RAD23B: variants seen among roughly 807,000 people sequenced by gnomAD.
RAD23B encodes RAD23 nucleotide excision repair protein B.
Under a neutral mutation model 49.1 loss-of-function variants are expected in RAD23B, and 5 were observed. The observed-to-expected ratio is 0.10, with a 90% CI of 0.05 to 0.21. The LOEUF is 0.21. Ranked by LOEUF, RAD23B falls within the 10% of genes least tolerant of loss-of-function variation. The pLI, the probability that RAD23B is intolerant of heterozygous loss-of-function variation, is 1.00. For missense variants in RAD23B, 356 were observed against 486.7 expected (o/e 0.73, Z 2.53); for synonymous variants, 184 against 165.4 (o/e 1.11, Z -0.86).
At chr9:107,322,155 C>G (rs1433545661) in intron 7 of RAD23B, 37 bp downstream of exon 7, 1 of 1,539,728 alleles carries the variant, frequency 6.5e-7, no homozygotes, top group Non-Finnish European at 8.8e-7. Flanking sequence ...GGGAATGGCC[C>G]TGAATTTTTA....
At chr9:107,327,693 C>G (rs1827237420) in intron 9 of RAD23B, among the ~76,000 whole-genome samples, 1 of 152,004 alleles carries the variant, frequency 6.6e-6, no homozygotes. Context: ...GAAGAATGTT[C>G]TATGTATACT....
chr9:107,283,793 C>A, intron 1 of RAD23B, 98 bp downstream of exon 1: 1 of 1,154,030 alleles, frequency 8.7e-7, no homozygotes, highest in Non-Finnish European at 1.1e-6. Context: ...GGGGGAAGCC[C>A]CGGAGGGCGC....
intron 4 of RAD23B, among the ~76,000 whole-genome samples, chr9:107,310,239 C>T (rs1035210732): frequency 3.3e-5 from 5 of 151,602 alleles, no homozygotes; most frequent in East Asian, 1.9e-4. Context: ...TAGATGGATA[C>T]GGATTTAATG....
chr9:107,297,629 T>C (rs1464872289), intron 1 of RAD23B, among the ~76,000 whole-genome samples: 1 of 152,146 alleles, frequency 6.6e-6, no homozygotes, highest in African/African-American at 2.4e-5. Flanking sequence ...TGAACCACTG[T>C]GCCCAGCCTT....
rs754129417 is a variant in RAD23B, at chr9:107,324,900, CAAG to C, written c.1013_1015del (p.Gln338_Gly339delinsArg). 5 of 1,613,270 alleles carry C rather than the reference CAAG, an allele frequency of 3.1e-6. No homozygotes were observed. In the South Asian group the frequency reaches 3.3e-5, roughly 11 times the overall value. ...TGAACCAGTTCAAGAAGCTGGTGGT[CAAG>C]GAGGAGGAGGTGGAGGTGGCAGTGG... On this transcript the variant is annotated inframe_deletion, in exon 9 of 10. Coordinates refer to ENST00000358015, the MANE Select transcript of RAD23B (RefSeq NM_002874.5).
At chr9:107,287,463 T>G (rs906869022) in intron 1 of RAD23B, among the ~76,000 whole-genome samples, 2 of 152,232 alleles carry the variant, frequency 1.3e-5, no homozygotes, top group African/African-American at 4.8e-5. Context: ...ATGTTTTTGC[T>G]AAGAGAATTG....
chr9:107,287,815 CAA>C (rs767824248), intron 1 of RAD23B, among the ~76,000 whole-genome samples: 4 of 107,158 alleles, frequency 3.7e-5, no homozygotes, highest in African/African-American at 1.1e-4. Flanking sequence ...GCCTGGGTAA[CAA>C]GAGCGAAACT....
At chr9:107,328,018 T>A (rs1481339413) in intron 9 of RAD23B, among the ~76,000 whole-genome samples, 1 of 152,216 alleles carries the variant, frequency 6.6e-6, no homozygotes, top group East Asian at 1.9e-4. Flanking sequence ...TTGGTTACCA[T>A]TTGCATAGTA....
At chr9:107,286,150 C>T (rs1355810934) in intron 1 of RAD23B, among the ~76,000 whole-genome samples, 1 of 152,144 alleles carries the variant, frequency 6.6e-6, no homozygotes. Flanking sequence ...AATTAAGTAA[C>T]TTACGTAGCC....
rs138057780 is a variant in RAD23B at position 107,329,584 on chromosome 9, G to A, written c.1158G>A (p.Ala386=). The A allele has an allele frequency of 2.9e-5, 47 of 1,612,858 alleles. 1 individual carries two copies. Among genetic ancestry groups the A allele is most frequent in the Admixed American group, 3.3e-5 (2 of 59,984 alleles). The change falls in exon 10 of 10, where the codon GCG becomes GCA. Residue 386 remains alanine, a synonymous_variant. Coordinates refer to ENST00000358015, the MANE Select transcript of RAD23B (RefSeq NM_002874.5). ...TTCCTGAAGGACTTGTGATACAAGC[G>A]TATTTTGCTTGTGAGAAGAATGAGA... ...LGFPEGLVIQ[A]YFACEKNENL... is the part of the protein sequence containing the mutation.
chr9:107,295,133 T>C (rs964387601), intron 1 of RAD23B, among the ~76,000 whole-genome samples: 12 of 152,062 alleles, frequency 7.9e-5, no homozygotes, highest in African/African-American at 2.9e-4. Flanking sequence ...AGAATAAATT[T>C]CATGTTTTTG....
chr9:107,319,133 T>TTTTTTC (rs999364054), intron 6 of RAD23B, among the ~76,000 whole-genome samples: 1 of 116,826 alleles, frequency 8.6e-6, no homozygotes, highest in Non-Finnish European at 1.9e-5. Flanking sequence ...TTTTTCTTTT[T>TTTTTTC]TTTTTTTTTT....
chr9:107,294,451 T>C (rs1456741777), intron 1 of RAD23B, among the ~76,000 whole-genome samples: 1 of 152,160 alleles, frequency 6.6e-6, no homozygotes, highest in Non-Finnish European at 1.5e-5. Flanking sequence ...CTTACTGGAA[T>C]GGGAGCATTG....
chr9:107,315,299 A>G (rs1826968725), intron 5 of RAD23B, among the ~76,000 whole-genome samples: 1 of 151,844 alleles, frequency 6.6e-6, no homozygotes, highest in Non-Finnish European at 1.5e-5. Flanking sequence ...ATGCAGCTTT[A>G]TTTCTGGGTT....
In RAD23B at chr9:107,310,321, TAAGC is replaced by T. The variant is rs904066234; in HGVS notation, c.498-1357_498-1354del. Among the ~76,000 whole-genome samples, 4 of 152,182 alleles carry T rather than the reference TAAGC, an allele frequency of 2.6e-5. No individual in the cohort carries two copies. In the South Asian group the frequency reaches 6.2e-4, roughly 24 times the overall value. On this transcript the variant is annotated intron_variant, in intron 4 of 9. Transcript: ENST00000358015. ...AGTCTTCACTGTGAGAAGTCATTCT[TAAGC>T]AAGACAACCAAAAAAAAAATTATAA...
At position 107,283,610 on chromosome 9, in the gene RAD23B, CCGAG is replaced by C. The variant is rs2133057343; in HGVS notation, c.-18_-15del. ...CCAGCACCCGGCGCAGGCCCGGCAG[CCGAG>C]CTGCGCGGCGGCACCATGCAGGTCA... On this transcript the variant is annotated 5_prime_UTR_variant, in exon 1 of 10. Coordinates refer to ENST00000358015, the MANE Select transcript of RAD23B (RefSeq NM_002874.5). The C allele has an allele frequency of 6.8e-7, 1 of 1,470,482 alleles. No homozygotes were observed. Among genetic ancestry groups the C allele is most frequent in the East Asian group, 3.1e-5 (1 of 31,808 alleles). The allele number at this position is 1,470,482 out of a possible 1,614,324, so 91.1% of individuals were successfully genotyped here.
At chr9:107,283,805 A>C (rs1022814563) in intron 1 of RAD23B, 110 bp downstream of exon 1, 23 of 1,060,846 alleles carry the variant, frequency 2.2e-5, no homozygotes, top group Non-Finnish European at 2.8e-5. Context: ...GGAGGGCGCG[A>C]TGAGGGCCCT....
At chr9:107,324,724 T>TAAAAATAC (rs530340009) in intron 8 of RAD23B, 110 bp from the exon 9 acceptor site, 1 of 1,108,136 alleles carries the variant, frequency 9.0e-7, no homozygotes, top group African/African-American at 1.6e-5. Context: ...ATCACTAAAT[T>TAAAAATAC]ACGTTTGCAA....
intron 1 of RAD23B, among the ~76,000 whole-genome samples, chr9:107,296,299 T>C (rs555851402): frequency 2.0e-5 from 3 of 152,352 alleles, no homozygotes; most frequent in Middle Eastern, 3.4e-3. Context: ...CTTGGCATGT[T>C]GCCCTCAAAA....
Sources: gnomAD v4.1 joint callset for allele counts (sites outside exome capture counted in the v4.1 genomes callset) on GRCh38, gnomAD v4.1.1 for gene constraint, MANE v1.5 for transcripts, NCBI Gene and HGNC (gene_info 2026-07-23, HGNC 2026-07-21) for gene names.